FBXO22: variants seen among roughly 807,000 people sequenced by gnomAD.
FBXO22 encodes the protein F-box protein 22, also known as F-box only protein 22.
Under a neutral mutation model 37.2 loss-of-function variants are expected in FBXO22, and 13 were observed. That is an observed-to-expected ratio of 0.35 (90% CI 0.23 to 0.56). The LOEUF (loss-of-function observed/expected upper bound fraction) is 0.56, where lower values mean the gene tolerates loss of function less well. Ranked by LOEUF, FBXO22 falls within the 20% of genes least tolerant of loss-of-function variation. FBXO22 has a pLI of 0.87. For synonymous variants in FBXO22, 189 were observed against 189.1 expected, an observed-to-expected ratio of 1.00 and a Z score of 0.00; for missense variants, 446 against 509.9, an observed-to-expected ratio of 0.87 and a Z score of 1.21.
intron 5 of FBXO22, among the ~76,000 whole-genome samples, chr15:75,929,494 A>G (rs978755298): frequency 6.7e-6 from 1 of 150,194 alleles, no homozygotes; most frequent in Non-Finnish European, 1.5e-5. Context: ...TGCTGCTAGC[A>G]CAGCTCTGTG....
chr15:75,915,337 A>G (rs936617812), intron 4 of FBXO22, among the ~76,000 whole-genome samples: 1 of 152,194 alleles, frequency 6.6e-6, no homozygotes, highest in African/African-American at 2.4e-5. Context: ...ATCTTCACTG[A>G]AAGATTTTTG....
rs1246205660 is a variant in FBXO22, at chr15:75,937,618, ATGGTAGGAAAATAT to A, written c.*4519_*4532del. ...AAAAGAATGCCCAATCATCTGCAGA[ATGGTAGGAAAATAT>A]TGTGACTTTTTAGTGGCTCTTGCCC... On this transcript the variant is annotated 3_prime_UTR_variant, in exon 7 of 7. Transcript: ENST00000308275. 2.0e-5 allele frequency: 3 copies of A among 150,120 alleles called. No homozygotes were observed. The highest frequency in any genetic ancestry group is 4.5e-5 in the Non-Finnish European group (3 of 67,114). The allele number at this position is 150,120 out of a possible 1,614,324, so 9.3% of individuals were successfully genotyped here. A position where few individuals can be genotyped will look rare whatever the true frequency, so the allele number is the denominator to read the frequency against.
chr15:75,920,645 G>A (rs538036417), intron 5 of FBXO22, among the ~76,000 whole-genome samples: 1 of 151,940 alleles, frequency 6.6e-6, no homozygotes, highest in South Asian at 2.1e-4. Flanking sequence ...AATATAGTGA[G>A]ACCTCACCTC....
intron 6 of FBXO22, 79 bp from the exon 7 acceptor site, chr15:75,932,606 G>A: frequency 7.3e-7 from 1 of 1,366,964 alleles, no homozygotes; most frequent in Non-Finnish European, 9.9e-7. Flanking sequence ...CCTCCCGTCA[G>A]TGAATCAGGA....
intron 2 of FBXO22, among the ~76,000 whole-genome samples, chr15:75,907,877 A>C (rs1299798977): frequency 6.6e-6 from 1 of 152,032 alleles, no homozygotes; most frequent in East Asian, 1.9e-4. Context: ...AGGGAGATGG[A>C]GTTTGCTTGA....
At chr15:75,932,625 C>T (rs954419510) in intron 6 of FBXO22, 60 bp from the exon 7 acceptor site, 7 of 1,483,930 alleles carry the variant, frequency 4.7e-6, no homozygotes, top group African/African-American at 2.8e-5. Flanking sequence ...GAGGATTTTG[C>T]TTCTATACTT....
chr15:75,932,695 G>T lies in FBXO22; in HGVS notation c.805G>T (p.Asp269Tyr). The change falls in exon 7 of 7, where the codon GAT becomes TAT. Residue 269 changes from aspartate (D) to tyrosine (Y), a missense_variant. By Grantham distance (160) the Asp-to-Tyr change is radical. Around this residue, in one of 2 missense-constraint regions of FBXO22, gnomAD observed 315 missense variants for 410.1 expected, o/e 0.77. Transcript: ENST00000308275. ...TTCTAAATTTTCCAGGAACCCTCTGGATATTGATGCCTCGGGTGTGGTTGG... is the reference window on the plus strand; with the variant it reads ...TTCTAAATTTTCCAGGAACCCTCTGTATATTGATGCCTCGGGTGTGGTTGG... ...SSLTSEKNPLDIDASGVVGLS... is the reference protein window; with the variant it reads ...SSLTSEKNPLYIDASGVVGLS... 6.3e-7 allele frequency: 1 copy of T among 1,591,416 alleles called. No homozygotes were observed.
Position 75,933,038 on chromosome 15 carries a change from A to T in FBXO22, c.1148A>T (p.Asp383Val). ...FILRKCNEVK[D>V]DDLFHSYTTI... ...TTGAGGAAATGTAATGAGGTAAAAG[A>T]TGATGATCTGTTTCATAGCTATACA... The change falls in exon 7 of 7, where the codon GAT becomes GTT. Residue 383 changes from aspartate to valine, a missense_variant. Asp to Val is a radical substitution (Grantham distance 152). Coordinates refer to ENST00000308275, the MANE Select transcript of FBXO22 (RefSeq NM_147188.3). 1.9e-6 allele frequency: 3 copies of T among 1,614,222 alleles called. No individual in the cohort carries two copies. The highest frequency in any genetic ancestry group is 2.5e-6 in the Non-Finnish European group (3 of 1,180,012).
At position 75,940,590 on chromosome 15, in the gene FBXO22, T is replaced by TA. The variant is rs1304236265; in HGVS notation, c.*7489dup. ...ACTTAAACCTGCAGAGTTTAAAACT[T>TA]ACTATAATGCTACAGTAATCAAAAC... On this transcript the variant is annotated 3_prime_UTR_variant, in exon 7 of 7. Transcript: ENST00000308275. The TA allele has an allele frequency of 1.3e-5, 2 of 152,092 alleles. No individual in the cohort carries two copies. Among genetic ancestry groups the TA allele is most frequent in the Non-Finnish European group, 2.9e-5 (2 of 67,968 alleles). 9.4% of individuals were successfully genotyped at this position (152,092 alleles called of 1,614,324 possible). A position where few individuals can be genotyped will look rare whatever the true frequency, so the allele number is the denominator to read the frequency against.
At position 75,939,983 on chromosome 15, in the gene FBXO22, A is replaced by G. The variant is rs576729266; in HGVS notation, c.*6881A>G. 1 of 152,256 alleles carries G rather than the reference A, an allele frequency of 6.6e-6. No individual in the cohort carries two copies. The highest frequency in any genetic ancestry group is 2.4e-5 in the African/African-American group (1 of 41,576). 9.4% of individuals were successfully genotyped at this position (152,256 alleles called of 1,614,324 possible). A position where few individuals can be genotyped will look rare whatever the true frequency, so the allele number is the denominator to read the frequency against. On this transcript the variant is annotated 3_prime_UTR_variant, in exon 7 of 7. Coordinates refer to ENST00000308275, the MANE Select transcript of FBXO22 (RefSeq NM_147188.3). Reference sequence around the variant, plus strand: ...AGACAATGCTCATTTCACCATTCCTATTCAACACAGTACTAGGAGTTCTAG... The same window carrying G: ...AGACAATGCTCATTTCACCATTCCTGTTCAACACAGTACTAGGAGTTCTAG...
At chr15:75,904,408 C>G (rs916753271) in intron 1 of FBXO22, 83 bp from the exon 2 acceptor site, 2 of 1,588,398 alleles carry the variant, frequency 1.3e-6, no homozygotes, top group African/African-American at 1.4e-5. Context: ...CCTGCTGCTG[C>G]GCCAGCGGGT....
intron 4 of FBXO22, among the ~76,000 whole-genome samples, chr15:75,915,431 G>T (rs2455893): frequency 0.98 from 149,004 of 152,288 alleles, 72,977 homozygotes; most frequent in East Asian, 1. Flanking sequence ...TGCTCTAGCT[G>T]TGGTTTCTAA....
At chr15:75,930,214 T>G in intron 6 of FBXO22, 165 bp downstream of exon 6, 4 of 1,452,258 alleles carry the variant, frequency 2.8e-6, no homozygotes, top group Non-Finnish European at 2.7e-6. Flanking sequence ...TGAACATAAT[T>G]CTGCTTACGG....
chr15:75,930,079 G>T (rs760231297), intron 6 of FBXO22, 30 bp downstream of exon 6: 20 of 1,613,398 alleles, frequency 1.2e-5, no homozygotes, highest in Non-Finnish European at 1.7e-5. Context: ...GATTTCGTCT[G>T]TGAATGAAGG....
rs536050247 is a variant in FBXO22 at position 75,934,599 on chromosome 15, T to G, written c.*1497T>G. 2.3e-4 allele frequency: 35 copies of G among 152,338 alleles called. No individual in the cohort carries two copies. The East Asian group carries it at 6.7e-3, about 29-fold the overall frequency. The allele number at this position is 152,338 out of a possible 1,614,324, so 9.4% of individuals were successfully genotyped here. On this transcript the variant is annotated 3_prime_UTR_variant, in exon 7 of 7. Coordinates refer to ENST00000308275, the MANE Select transcript of FBXO22 (RefSeq NM_147188.3). ...TTTATATATATATGATAAAAATGCT[T>G]GGAAGAGTCCTTTAATTTATGGTTA... is the stretch of plus-strand genomic sequence containing the variant.
chr15:75,909,845 C>T (rs956649676), intron 2 of FBXO22, among the ~76,000 whole-genome samples: 8 of 150,946 alleles, frequency 5.3e-5, no homozygotes, highest in African/African-American at 2.0e-4. Context: ...TATACACGTG[C>T]CATGGTGGTT....
rs1185192079 is a variant in FBXO22 at position 75,940,651 on chromosome 15, A to G, written c.*7549A>G. Reference sequence around the variant, plus strand: ...TGGCATAAAGGCAGACGGATAGACCAATGGGATAGACTGGAGAACCTAGAA... The same window carrying G: ...TGGCATAAAGGCAGACGGATAGACCGATGGGATAGACTGGAGAACCTAGAA... On this transcript the variant is annotated 3_prime_UTR_variant, in exon 7 of 7. Coordinates refer to ENST00000308275, the MANE Select transcript of FBXO22 (RefSeq NM_147188.3). 6.6e-6 allele frequency: 1 copy of G among 152,134 alleles called. No homozygotes were observed. The highest frequency in any genetic ancestry group is 1.5e-5 in the Non-Finnish European group (1 of 67,968). The allele number at this position is 152,134 out of a possible 1,614,324, so 9.4% of individuals were successfully genotyped here.
intron 2 of FBXO22, among the ~76,000 whole-genome samples, chr15:75,908,624 G>C (rs1899980739): frequency 6.6e-6 from 1 of 152,162 alleles, no homozygotes; most frequent in Non-Finnish European, 1.5e-5. Flanking sequence ...CACAGATTCA[G>C]ATGACTCGAA....
At chr15:75,908,207 G>T (rs1467909486) in intron 2 of FBXO22, among the ~76,000 whole-genome samples, 3 of 151,972 alleles carry the variant, frequency 2.0e-5, no homozygotes, top group Admixed American at 2.0e-4. Flanking sequence ...CTAAAAGCTT[G>T]CTGAGGGTTA....
Sources: allele counts gnomAD v4.1 joint callset (sites outside exome capture counted in the v4.1 genomes callset), GRCh38; gene constraint gnomAD v4.1.1; regional missense constraint gnomAD v4.1.1; transcripts MANE v1.5; gene names NCBI Gene and HGNC (gene_info 2026-07-23, HGNC 2026-07-21).